The following ALG12 variants were observed in gnomAD, a reference collection of about 807,000 sequenced individuals.
ALG12 encodes the protein ALG12 alpha-1,6-mannosyltransferase, also known as dol-P-Man:Man(7)GlcNAc(2)-PP-Dol alpha-1,6-mannosyltransferase.
A neutral mutation model predicts 46.0 loss-of-function variants in ALG12; 36 were observed. The observed-to-expected ratio is 0.78, with a 90% CI of 0.60 to 1.03. ALG12 has a LOEUF of 1.03. Among genes scored for constraint, ALG12 ranks in the 50% least tolerant of loss-of-function variants. The pLI is 0.00. For missense variants in ALG12, 599 were observed against 633.5 expected (o/e 0.95, Z 0.58); for synonymous variants, 326 against 291.6 (o/e 1.12, Z -1.20).
downstream of ALG12, among the ~76,000 whole-genome samples, chr22:49,898,397 CT>C (rs111434700): frequency 3.5e-4 from 51 of 145,678 alleles, no homozygotes; most frequent in Non-Finnish European, 2.9e-4. Flanking sequence ...TGATTTTTTT[CT>C]TTTTTTTTTT....
the ALG12 span, chr22:49,887,467 G>T: frequency 3.4e-6 from 1 of 293,464 alleles, no homozygotes; most frequent in Non-Finnish European, 6.8e-6. Context: ...AAAGTTTTGG[G>T]TTAGTAATTT....
chr22:49,911,932 T>C (rs897509866), intron 3 of ALG12, among the ~76,000 whole-genome samples: 3 of 151,614 alleles, frequency 2.0e-5, no homozygotes, highest in Admixed American at 6.6e-5. Flanking sequence ...TGCCCAACAA[T>C]CTCAACCCCG....
At chr22:49,899,386 G>A (rs540114963), downstream of ALG12, among the ~76,000 whole-genome samples, 48 of 151,926 alleles carry the variant, frequency 3.2e-4, 1 homozygote, top group Admixed American at 7.9e-4. Flanking sequence ...GCTGAGGCAG[G>A]AGAATCACTC....
rs2060560994 is a variant in ALG12 at position 49,909,182 on chromosome 22, G to A, written c.768+62C>T. 5 of 1,524,290 alleles carry A rather than the reference G, an allele frequency of 3.3e-6. No homozygotes were observed. In the African/African-American group the frequency reaches 4.1e-5, roughly 13 times the overall value. The allele number at this position is 1,524,290 out of a possible 1,614,324, so 94.4% of individuals were successfully genotyped here. A position where few individuals can be genotyped will look rare whatever the true frequency, so the allele number is the denominator to read the frequency against. ...AGCAGCTGCTTCCACTGCCCATGGA[G>A]GCCCAGGAGATGTGGCTGCAGGTCC... On this transcript the variant is annotated intron_variant, in intron 6 of 9. Transcript: ENST00000330817.
the ALG12 span, among the ~76,000 whole-genome samples, chr22:49,863,264 AT>A: frequency 6.6e-6 from 1 of 151,876 alleles, no homozygotes; most frequent in South Asian, 2.1e-4. Flanking sequence ...GGCTCAAGTG[AT>A]TTTCCCACCT....
chr22:49,879,954 T>A, the ALG12 span, among the ~76,000 whole-genome samples: 1 of 149,258 alleles, frequency 6.7e-6, no homozygotes, highest in East Asian at 2.0e-4. Context: ...TTGGTTGGTT[T>A]TTCTCCTGGT....
the ALG12 span, chr22:49,885,738 C>G: frequency 1.2e-6 from 2 of 1,604,162 alleles, no homozygotes; most frequent in Non-Finnish European, 1.7e-6. Context: ...AACCTCAGTA[C>G]TCCCTCCCCG....
chr22:49,909,916 G>C lies in ALG12; in HGVS notation c.642C>G (p.Val214=), dbSNP rs1178177430. 6.2e-7 allele frequency: 1 copy of C among 1,614,034 alleles called. No homozygotes were observed. Among genetic ancestry groups the C allele is most frequent in the Admixed American group, 1.7e-5 (1 of 60,014 alleles). The change falls in exon 5 of 10, where the codon GTC becomes GTG. Residue 214 remains valine (V), a synonymous_variant. Transcript: ENST00000330817. Reference sequence around the variant, plus strand: ...TACCTAAACAGAGGATCCCTGCCGGGACGGCGTGGCGAAGGGCTCTGACTA... The same window carrying C: ...TACCTAAACAGAGGATCCCTGCCGGCACGGCGTGGCGAAGGGCTCTGACTA... ...VSVVRALRHA[V]PAGILCLGLT...
the ALG12 span, chr22:49,883,562 A>G: frequency 1.4e-6 from 2 of 1,414,312 alleles, no homozygotes; most frequent in African/African-American, 1.5e-5. Context: ...AGATGGAATT[A>G]TGACGAAAAA....
chr22:49,879,372 C>T, the ALG12 span, among the ~76,000 whole-genome samples: 5 of 151,926 alleles, frequency 3.3e-5, no homozygotes, highest in Non-Finnish European at 5.9e-5. Context: ...GTTGATCCGT[C>T]TGCCTCATCC....
Position 49,906,235 on chromosome 22 carries a change from T to C in ALG12, c.992+1486A>G, listed in dbSNP as rs1189491643. 6.6e-6 allele frequency among the ~76,000 whole-genome samples: 1 copy of C among 152,134 alleles called. No homozygotes were observed. Among genetic ancestry groups the C allele is most frequent in the East Asian group, 1.9e-4 (1 of 5,186 alleles). ...GTTCCCACTGGATCTTCTTCCCTGCTGGAAAAGCCTGTCACCGAATACAAT... is the reference window on the plus strand; with the variant it reads ...GTTCCCACTGGATCTTCTTCCCTGCCGGAAAAGCCTGTCACCGAATACAAT... On this transcript the variant is annotated intron_variant, in intron 7 of 9. Coordinates refer to ENST00000330817, the MANE Select transcript of ALG12 (RefSeq NM_024105.4). This position sits in a 1 kb window ranked among gnomAD's most constrained non-coding sequence, Gnocchi z 4.4.
At chr22:49,872,592 C>T in the ALG12 span, among the ~76,000 whole-genome samples, 3 of 152,170 alleles carry the variant, frequency 2.0e-5, no homozygotes, top group Non-Finnish European at 4.4e-5. Context: ...TGCAGTGTCA[C>T]GATCACAGCT....
At chr22:49,873,999 C>T in the ALG12 span, among the ~76,000 whole-genome samples, 1 of 152,242 alleles carries the variant, frequency 6.6e-6, no homozygotes, top group Non-Finnish European at 1.5e-5. Context: ...CAAGAATGAG[C>T]TTGAGTCCTG....
At position 49,913,738 on chromosome 22, in the gene ALG12, G is replaced by A. The variant is rs148343441; in HGVS notation, c.28C>T (p.Arg10Trp). The A allele has an allele frequency of 8.1e-5, 130 of 1,613,702 alleles. No individual in the cohort carries two copies. The African/African-American group carries it at 1.5e-3, about 19-fold the overall frequency. The change falls in exon 2 of 10, where the codon CGG becomes TGG. Residue 10 changes from arginine (R) to tryptophan (W), a missense_variant. Coordinates refer to ENST00000330817, the MANE Select transcript of ALG12 (RefSeq NM_024105.4). ...ACCAGCAGCCCCAGCAGCAGGGGCC[G>A]CCTGCCTGATGACCCCTTTCCAGCC... is the stretch of plus-strand genomic sequence containing the variant. MAGKGSSGR[R>W]PLLLGLLVAV...
chr22:49,892,092 G>A, the ALG12 span, among the ~76,000 whole-genome samples: 1 of 150,546 alleles, frequency 6.6e-6, no homozygotes, highest in Non-Finnish European at 1.5e-5. Context: ...GGAGGCTGAG[G>A]CAGGAGAATG....
chr22:49,889,520 G>A, the ALG12 span: 10 of 167,178 alleles, frequency 6.0e-5, no homozygotes, highest in South Asian at 1.7e-3. Context: ...TTTAGTTGAA[G>A]TGTTCTGAGT....
Position 49,913,718 on chromosome 22 carries a change from C to A in ALG12, c.48G>T (p.Leu16=), listed in dbSNP as rs143508665. The change falls in exon 2 of 10, where the codon CTG becomes CTT. Residue 16 remains leucine, a synonymous_variant. Coordinates refer to ENST00000330817, the MANE Select transcript of ALG12 (RefSeq NM_024105.4). ...SSGRRPLLLG[L]LVAVATVHLV... ...GGTGGACAGTGGCTACGGCCACCAG[C>A]AGCCCCAGCAGCAGGGGCCGCCTGC... The A allele has an allele frequency of 6.2e-7, 1 of 1,613,564 alleles. No homozygotes were observed. Among genetic ancestry groups the A allele is most frequent in the South Asian group, 1.1e-5 (1 of 91,082 alleles).
intron 1 of ALG12, among the ~76,000 whole-genome samples, chr22:49,916,599 G>A (rs2060610495): frequency 6.6e-6 from 1 of 152,056 alleles, no homozygotes; most frequent in African/African-American, 2.4e-5. Flanking sequence ...GAAATAGGAA[G>A]CAAGCCGGAT....
chr22:49,867,818 T>A, the ALG12 span, among the ~76,000 whole-genome samples: 3 of 152,342 alleles, frequency 2.0e-5, no homozygotes, highest in South Asian at 6.2e-4. Context: ...GAAAATGCAT[T>A]TAATTCACCT....
Sources: allele counts gnomAD v4.1 joint callset (sites outside exome capture counted in the v4.1 genomes callset), GRCh38; gene constraint gnomAD v4.1.1; non-coding constraint Gnocchi (gnomAD v3.1); transcripts MANE v1.5; gene names NCBI Gene and HGNC (gene_info 2026-07-23, HGNC 2026-07-21).